Variants in NMBR observed in about 807,000 individuals in gnomAD.
NMBR encodes the protein neuromedin-B receptor.
NMBR carries 16 observed loss-of-function variants against 20.5 expected under a neutral mutation model. The observed-to-expected ratio is 0.78, with a 90% CI of 0.53 to 1.19. NMBR has a LOEUF of 1.19. NMBR is among the 50% of genes most tolerant of loss of function. NMBR has a pLI of 0.00. For synonymous variants in NMBR, 212 were observed against 196.6 expected, an observed-to-expected ratio of 1.08 and a Z score of -0.65; for missense variants, 582 against 499.1, an observed-to-expected ratio of 1.17 and a Z score of -1.58.
intron 1 of NMBR, among the ~76,000 whole-genome samples, chr6:142,137,211 G>A (rs1440820344): frequency 1.2e-4 from 18 of 151,976 alleles, no homozygotes; most frequent in South Asian, 2.1e-4. Flanking sequence ...GGTCCTTCAC[G>A]TCCCTTGTAA....
intron 1 of NMBR, among the ~76,000 whole-genome samples, chr6:142,099,763 A>G (rs563235653): frequency 6.6e-6 from 1 of 152,358 alleles, no homozygotes; most frequent in East Asian, 1.9e-4. Flanking sequence ...CAAGACAATA[A>G]GCAGGCTAAA....
Position 142,145,036 on chromosome 6 carries a change from A to AG in NMBR, c.-664+2007_-664+2008insC, listed in dbSNP as rs1339299184. 2.7e-3 allele frequency among the ~76,000 whole-genome samples: 403 copies of AG among 151,342 alleles called. 3 individuals carry two copies. Among genetic ancestry groups the AG allele is most frequent in the African/African-American group, 8.1e-3 (336 of 41,302 alleles). On this transcript the variant is annotated intron_variant, in intron 1 of 3. Transcript: ENST00000258042. Reference sequence around the variant, plus strand: ...GAACCTGTCTAAAAAAAAAAAAAAAAAAAGAAAGAAAAAAAGAAGGAAGGA... The same window carrying AG: ...GAACCTGTCTAAAAAAAAAAAAAAAAGAAAGAAAGAAAAAAAGAAGGAAGGA...
intron 2 of NMBR, among the ~76,000 whole-genome samples, chr6:142,081,703 T>A (rs1321170889): frequency 6.6e-6 from 1 of 152,180 alleles, no homozygotes; most frequent in Non-Finnish European, 1.5e-5. Flanking sequence ...ATAGTGCAAA[T>A]TAATGTGGAC....
intron 1 of NMBR, among the ~76,000 whole-genome samples, chr6:142,139,194 C>A (rs1778322173): frequency 6.6e-6 from 1 of 152,136 alleles, no homozygotes; most frequent in African/African-American, 2.4e-5. Flanking sequence ...GGATTCTTCC[C>A]CAGGGAAGAT....
Position 142,075,954 on chromosome 6 carries a change from C to CTATAATGTAAA in NMBR, c.866_867insTTTACATTATA (p.Ser290LeufsTer15). The CTATAATGTAAA allele has an allele frequency of 6.2e-7, 1 of 1,613,820 alleles. No homozygotes were observed. Among genetic ancestry groups the CTATAATGTAAA allele is most frequent in the Non-Finnish European group, 8.5e-7 (1 of 1,179,876 alleles). ...GATCAATCTCATTATAGTTGAAAGACCGATACATGTAAAGGATGTGGTTTG... is the reference window on the plus strand; with the variant it reads ...GATCAATCTCATTATAGTTGAAAGACTATAATGTAAACGATACATGTAAAGGATGTGGTTTG... On this transcript the variant is annotated frameshift_variant, in exon 4 of 4. Transcript: ENST00000258042. LOFTEE classifies it high-confidence loss of function.
chr6:142,119,961 G>C (rs962423563), intron 1 of NMBR, among the ~76,000 whole-genome samples: 3 of 151,842 alleles, frequency 2.0e-5, no homozygotes, highest in African/African-American at 7.3e-5. Context: ...CATTGTACTT[G>C]TTGGATTTGA....
intron 1 of NMBR, among the ~76,000 whole-genome samples, chr6:142,112,552 G>A (rs1303601087): frequency 6.6e-6 from 1 of 152,264 alleles, no homozygotes; most frequent in Non-Finnish European, 1.5e-5. Flanking sequence ...CAATCAGCCT[G>A]CCTTTACTCC....
rs1289697043 is a variant in NMBR at position 142,098,019 on chromosome 6, GA to G, written c.-663-8699del. Among the ~76,000 whole-genome samples the G allele has an allele frequency of 5.9e-5, 9 of 151,974 alleles. No homozygotes were observed. The East Asian group carries it at 1.3e-3, about 23-fold the overall frequency. Reference sequence around the variant, plus strand: ...AAAATATACAGAGAAAATGACTGGGGAAAAAAATGAATAAAGTGTGCACTCT... The same window carrying G: ...AAAATATACAGAGAAAATGACTGGGGAAAAAATGAATAAAGTGTGCACTCT... On this transcript the variant is annotated intron_variant, in intron 1 of 3. Coordinates refer to ENST00000258042, the MANE Select transcript of NMBR (RefSeq NM_002511.4).
intron 1 of NMBR, among the ~76,000 whole-genome samples, chr6:142,094,526 C>T (rs1172374933): frequency 6.6e-6 from 1 of 152,074 alleles, no homozygotes; most frequent in Non-Finnish European, 1.5e-5. Flanking sequence ...GTTTTGGTAC[C>T]AGTACCATGC....
intron 1 of NMBR, among the ~76,000 whole-genome samples, chr6:142,114,428 G>T (rs778397772): frequency 8.6e-5 from 13 of 151,910 alleles, no homozygotes; most frequent in Non-Finnish European, 1.0e-4. Flanking sequence ...GAGAATGATG[G>T]ATCATGCTAA....
intron 1 of NMBR, among the ~76,000 whole-genome samples, chr6:142,092,583 T>C (rs754532335): frequency 6.6e-6 from 1 of 151,986 alleles, no homozygotes; most frequent in East Asian, 1.9e-4. Flanking sequence ...TAAACAGTAG[T>C]TTTTAGACAC....
At chr6:142,131,605 T>A (rs1778143547) in intron 1 of NMBR, among the ~76,000 whole-genome samples, 1 of 152,164 alleles carries the variant, frequency 6.6e-6, no homozygotes, top group South Asian at 2.1e-4. Context: ...CCTAAAGAAA[T>A]AAGCAACATC....
At chr6:142,109,082 C>T (rs1777713749) in intron 1 of NMBR, among the ~76,000 whole-genome samples, 1 of 152,220 alleles carries the variant, frequency 6.6e-6, no homozygotes, top group African/African-American at 2.4e-5. Flanking sequence ...CCTTGGGCAG[C>T]TCCAACCCTG....
At position 142,079,094 on chromosome 6, in the gene NMBR, A is replaced by AAGAGAGAGAG. The variant is rs1181099175; in HGVS notation, c.423-201_423-192dup. On this transcript the variant is annotated intron_variant, in intron 2 of 3. Transcript: ENST00000258042. ...AAAGAGAGAAAGAAAGAAAGAGAGA[A>AAGAGAGAGAG]AGAGAGAGAGAGAAAGAAAGAAAGA... 1.0e-4 allele frequency among the ~76,000 whole-genome samples: 5 copies of AAGAGAGAGAG among 48,938 alleles called. 1 individual carries two copies. In the East Asian group the frequency reaches 3.2e-3, roughly 31 times the overall value. 32.1% of individuals were successfully genotyped at this position (48,938 alleles called of 152,430 possible).
chr6:142,110,118 C>G (rs1777735062), intron 1 of NMBR, among the ~76,000 whole-genome samples: 1 of 152,206 alleles, frequency 6.6e-6, no homozygotes, highest in South Asian at 2.1e-4. Context: ...TTATACATTG[C>G]TAGTGGAAAT....
At chr6:142,109,762 G>C (rs1015260949) in intron 1 of NMBR, among the ~76,000 whole-genome samples, 2 of 152,068 alleles carry the variant, frequency 1.3e-5, no homozygotes, top group South Asian at 2.1e-4. Context: ...TGTATTAAGA[G>C]GTGGGGCCTT....
Position 142,108,274 on chromosome 6 carries a change from A to T in NMBR, c.-663-18953T>A, listed in dbSNP as rs557238552. Among the ~76,000 whole-genome samples, 10 of 152,322 alleles carry T rather than the reference A, an allele frequency of 6.6e-5. 1 individual carries two copies. In the South Asian group the frequency reaches 2.1e-3, roughly 32 times the overall value. On this transcript the variant is annotated intron_variant, in intron 1 of 3. Coordinates refer to ENST00000258042, the MANE Select transcript of NMBR (RefSeq NM_002511.4). ...GACAAACACAAAGAAACCTACACTT[A>T]GACATATCAAAGTAAAAATATTCAC...
At chr6:142,090,497 T>A (rs2114568945) in intron 1 of NMBR, among the ~76,000 whole-genome samples, 1 of 151,660 alleles carries the variant, frequency 6.6e-6, no homozygotes, top group Non-Finnish European at 1.5e-5. Flanking sequence ...CTTCTGGAAT[T>A]TCACTACTTA....
intron 1 of NMBR, chr6:142,134,605 A>G (rs918155809): frequency 2.1e-5 from 14 of 668,598 alleles, no homozygotes; most frequent in Non-Finnish European, 3.7e-5. Context: ...ATGTAAAAGC[A>G]TCAATCAAGA....
Sources: gnomAD v4.1 joint callset for allele counts (sites outside exome capture counted in the v4.1 genomes callset) on GRCh38, gnomAD v4.1.1 for gene constraint, MANE v1.5 for transcripts, NCBI Gene and HGNC (gene_info 2026-07-23, HGNC 2026-07-21) for gene names.